Variants in ROBO2 observed in about 807,000 individuals in gnomAD.
ROBO2 encodes the protein roundabout guidance receptor 2.
ROBO2 carries 53 observed loss-of-function variants against 160.8 expected under a neutral mutation model. The observed-to-expected ratio is 0.33, with a 90% CI of 0.26 to 0.41. ROBO2 has a LOEUF of 0.41. ROBO2 is among the 10% of genes least tolerant of loss of function. ROBO2 has a pLI of 1.00. For synonymous variants in ROBO2, 664 were observed against 611.7 expected (o/e 1.09, Z -1.26); for missense variants, 1,577 against 1,722.4 (o/e 0.92, Z 1.49).
intron 2 of ROBO2, among the ~76,000 whole-genome samples, chr3:76,717,601 G>C (rs1451463797): frequency 6.6e-6 from 1 of 152,034 alleles, no homozygotes; most frequent in Non-Finnish European, 1.5e-5. Context: ...AGCTGAGTTT[G>C]GTGCTTCAGG....
chr3:76,593,508 C>T (rs548539944), intron 2 of ROBO2, among the ~76,000 whole-genome samples: 75 of 152,104 alleles, frequency 4.9e-4, no homozygotes, highest in African/African-American at 1.7e-3. Context: ...TGTTAATCAC[C>T]TTGAAATGAA....
intron 2 of ROBO2, among the ~76,000 whole-genome samples, chr3:77,151,539 G>A (rs1281173267): frequency 6.6e-6 from 1 of 152,074 alleles, no homozygotes; most frequent in Non-Finnish European, 1.5e-5. Flanking sequence ...TGAATCTGCA[G>A]TGTAATTCTA....
chr3:77,005,687 AGTT>A (rs1159666214), intron 2 of ROBO2, among the ~76,000 whole-genome samples: 1 of 152,234 alleles, frequency 6.6e-6, no homozygotes, highest in East Asian at 1.9e-4. Flanking sequence ...TGGATTGGCC[AGTT>A]GAGTTGATTC....
chr3:77,596,815 C>A, intron 19 of ROBO2, 65 bp downstream of exon 20: 1 of 1,582,036 alleles, frequency 6.3e-7, no homozygotes, highest in Non-Finnish European at 8.6e-7. Context: ...TTTTGACCTT[C>A]CTGGATTTTT....
intron 2 of ROBO2, among the ~76,000 whole-genome samples, chr3:76,515,323 T>G (rs2081296671): frequency 6.6e-6 from 1 of 152,208 alleles, no homozygotes; most frequent in Non-Finnish European, 1.5e-5. Context: ...GAAGTCATGT[T>G]ATTTGTTTCT....
At chr3:76,736,256 T>C (rs1256062524) in intron 2 of ROBO2, among the ~76,000 whole-genome samples, 1 of 80,492 alleles carries the variant, frequency 1.2e-5, no homozygotes, top group Non-Finnish European at 2.2e-5. Context: ...CACTCCAGCC[T>C]GGGCGACAGA....
intron 9 of ROBO2, among the ~76,000 whole-genome samples, chr3:77,560,965 AT>A (rs750493910): frequency 1.3e-5 from 2 of 152,124 alleles, no homozygotes; most frequent in African/African-American, 2.4e-5. Context: ...AAATGCAAAG[AT>A]TTCTAATGAC....
intron 2 of ROBO2, among the ~76,000 whole-genome samples, chr3:77,132,619 T>TC: frequency 6.6e-6 from 1 of 152,198 alleles, no homozygotes; most frequent in Non-Finnish European, 1.5e-5. Context: ...CTGTAGGATT[T>TC]GAAACTTTCA....
intron 2 of ROBO2, among the ~76,000 whole-genome samples, chr3:75,976,892 T>G (rs1276921776): frequency 6.6e-6 from 1 of 151,518 alleles, no homozygotes; most frequent in Non-Finnish European, 1.5e-5. Context: ...CTGGAATAAT[T>G]AAAGACTCAT....
At chr3:77,534,371 A>G (rs1016349995) in intron 6 of ROBO2, among the ~76,000 whole-genome samples, 9 of 152,048 alleles carry the variant, frequency 5.9e-5, no homozygotes, top group African/African-American at 1.9e-4. Flanking sequence ...ATTAAATATC[A>G]GAATAATATA....
At chr3:77,509,274 A>G (rs2089044182) in intron 5 of ROBO2, among the ~76,000 whole-genome samples, 1 of 152,002 alleles carries the variant, frequency 6.6e-6, no homozygotes, top group South Asian at 2.1e-4. Flanking sequence ...TTGTATTTGT[A>G]AATTTCTGTC....
chr3:76,965,200 C>T (rs187298726), intron 2 of ROBO2, among the ~76,000 whole-genome samples: 7 of 152,328 alleles, frequency 4.6e-5, no homozygotes, highest in African/African-American at 1.4e-4. Flanking sequence ...AGCCGCTCAT[C>T]TTCTGCATGA....
chr3:76,812,607 AC>A (rs1298595598), intron 2 of ROBO2, among the ~76,000 whole-genome samples: 1 of 152,048 alleles, frequency 6.6e-6, no homozygotes, highest in African/African-American at 2.4e-5. Flanking sequence ...TATTATGATG[AC>A]TTTTTAATCT....
intron 2 of ROBO2, among the ~76,000 whole-genome samples, chr3:77,151,949 A>T (rs1428466152): frequency 6.6e-6 from 1 of 152,170 alleles, no homozygotes; most frequent in East Asian, 1.9e-4. Flanking sequence ...ATGCCTTTGC[A>T]AATTTCTAGT....
At chr3:77,483,849 A>G (rs1483648002) in intron 4 of ROBO2, among the ~76,000 whole-genome samples, 1 of 150,678 alleles carries the variant, frequency 6.6e-6, no homozygotes. Flanking sequence ...AAGAAAAACA[A>G]TGAAAGGAAT....
chr3:77,551,001 T>C lies in ROBO2; in HGVS notation c.1231+12T>C. Reference sequence around the variant, plus strand: ...GGAGGTTACTGATGGTGCGATATCTTTACTAGATTTGTCTTATGAAAACAT... The same window carrying C: ...GGAGGTTACTGATGGTGCGATATCTCTACTAGATTTGTCTTATGAAAACAT... On this transcript the variant is annotated intron_variant, in intron 8 of 25. Coordinates refer to ENST00000461745, the Ensembl canonical transcript of ROBO2. 18 of 1,612,130 alleles carry C rather than the reference T, an allele frequency of 1.1e-5. No individual in the cohort carries two copies. The highest frequency in any genetic ancestry group is 1.5e-5 in the Non-Finnish European group (18 of 1,178,708).
At chr3:76,441,531 C>G (rs1280360912) in intron 2 of ROBO2, among the ~76,000 whole-genome samples, 1 of 152,148 alleles carries the variant, frequency 6.6e-6, no homozygotes, top group African/African-American at 2.4e-5. Flanking sequence ...GATTGACAAC[C>G]CATGAGTTAA....
intron 2 of ROBO2, among the ~76,000 whole-genome samples, chr3:76,743,462 T>A (rs531490359): frequency 1.4e-4 from 21 of 152,086 alleles, no homozygotes; most frequent in East Asian, 3.9e-4. Flanking sequence ...GACTTTTTTT[T>A]AAAAAAAGAG....
chr3:76,100,470 C>T (rs1256677082), intron 2 of ROBO2, among the ~76,000 whole-genome samples: 1 of 152,070 alleles, frequency 6.6e-6, no homozygotes, highest in Non-Finnish European at 1.5e-5. Flanking sequence ...AATTTCTGTC[C>T]ATTTGCAAAC....
Sources: allele counts gnomAD v4.1 joint callset (sites outside exome capture counted in the v4.1 genomes callset), GRCh38; gene constraint gnomAD v4.1.1; transcripts MANE v1.5; gene names NCBI Gene and HGNC (gene_info 2026-07-23, HGNC 2026-07-21).